Variants in LSAMP observed in about 807,000 individuals in gnomAD.
The protein encoded by LSAMP is limbic system associated membrane protein.
Under a neutral mutation model 38.6 loss-of-function variants are expected in LSAMP, and 7 were observed. The ratio of observed to expected loss-of-function variants is 0.18; its 90% CI spans 0.10 to 0.34. LSAMP has a LOEUF of 0.34. LSAMP is among the 10% of genes least tolerant of loss of function. The pLI, the probability that LSAMP is intolerant of heterozygous loss-of-function variation, is 1.00. For synonymous variants in LSAMP, 154 were observed against 166.8 expected (o/e 0.92, Z 0.59); for missense variants, 313 against 420.0 (o/e 0.75, Z 2.23).
intron 3 of LSAMP, among the ~76,000 whole-genome samples, chr3:115,856,117 C>T (rs996643124): frequency 4.6e-5 from 7 of 152,224 alleles, no homozygotes; most frequent in African/African-American, 1.7e-4. Flanking sequence ...ATAATATCCT[C>T]ATGAACTAGC....
chr3:116,387,387 T>C (rs1197831041), intron 1 of LSAMP, among the ~76,000 whole-genome samples: 1 of 151,960 alleles, frequency 6.6e-6, no homozygotes, highest in Non-Finnish European at 1.5e-5. Flanking sequence ...TACAGAAGAG[T>C]CAGAGAACAT....
chr3:116,297,666 G>T (rs982995231), intron 1 of LSAMP, among the ~76,000 whole-genome samples: 1 of 152,024 alleles, frequency 6.6e-6, no homozygotes. Context: ...TTTCTGGATA[G>T]ACTGAGAAAA....
At chr3:116,122,800 T>C (rs1021052086) in intron 1 of LSAMP, among the ~76,000 whole-genome samples, 1 of 152,220 alleles carries the variant, frequency 6.6e-6, no homozygotes, top group African/African-American at 2.4e-5. Context: ...TCTCCCTCTG[T>C]TCCATCTTCA....
intron 3 of LSAMP, among the ~76,000 whole-genome samples, chr3:115,939,030 A>G (rs1407402271): frequency 6.6e-6 from 1 of 152,186 alleles, no homozygotes; most frequent in Non-Finnish European, 1.5e-5. Flanking sequence ...TGGCTTTTGA[A>G]ACATGTAGGA....
At chr3:115,933,347 A>G (rs1038062335) in intron 3 of LSAMP, among the ~76,000 whole-genome samples, 1 of 152,202 alleles carries the variant, frequency 6.6e-6, no homozygotes. Flanking sequence ...TGGTAATAAT[A>G]GTGACAATGC....
rs940156499 is a variant in LSAMP at position 116,138,333 on chromosome 3, TTCTC to T, written c.156-51781_156-51778del. Among the ~76,000 whole-genome samples, 11 of 152,230 alleles carry T rather than the reference TTCTC, an allele frequency of 7.2e-5. No individual in the cohort carries two copies. In the South Asian group the frequency reaches 1.0e-3, roughly 14 times the overall value. ...AATTCATAATTCAATCCTCAACTGT[TTCTC>T]TCTCAGTCAATTGTGGATATTTTCT... On this transcript the variant is annotated intron_variant, in intron 1 of 6. Coordinates refer to ENST00000490035, the MANE Select transcript of LSAMP (RefSeq NM_002338.5).
intron 1 of LSAMP, among the ~76,000 whole-genome samples, chr3:116,160,230 T>C (rs1709851637): frequency 6.6e-6 from 1 of 152,086 alleles, no homozygotes; most frequent in African/African-American, 2.4e-5. Flanking sequence ...TGAAACCCTG[T>C]CTCTACCAAA....
At chr3:115,998,317 G>T (rs936485921) in intron 3 of LSAMP, among the ~76,000 whole-genome samples, 5 of 152,052 alleles carry the variant, frequency 3.3e-5, no homozygotes. Flanking sequence ...TTTTCAAAAA[G>T]GCTCTATCAT....
intron 3 of LSAMP, among the ~76,000 whole-genome samples, chr3:115,998,825 G>A (rs374425900): frequency 6.6e-6 from 1 of 152,144 alleles, no homozygotes; most frequent in Admixed American, 6.5e-5. Context: ...CCCGTGTTCC[G>A]ACAGCCTGCC....
chr3:115,997,632 T>A (rs1391745999), intron 3 of LSAMP, among the ~76,000 whole-genome samples: 1 of 148,370 alleles, frequency 6.7e-6, no homozygotes, highest in Non-Finnish European at 1.5e-5. Flanking sequence ...GTTGGAAGGA[T>A]CTTGGTAAGC....
At chr3:116,438,807 A>G (rs1160120694) in intron 1 of LSAMP, among the ~76,000 whole-genome samples, 1 of 152,232 alleles carries the variant, frequency 6.6e-6, no homozygotes, top group African/African-American at 2.4e-5. Flanking sequence ...AATCTGATCC[A>G]TATTAAATAA....
At chr3:116,233,225 AAC>A (rs1490927086) in intron 1 of LSAMP, among the ~76,000 whole-genome samples, 1 of 151,934 alleles carries the variant, frequency 6.6e-6, no homozygotes, top group Non-Finnish European at 1.5e-5. Context: ...CATCCTGGCT[AAC>A]ACAGTGCAAC....
At chr3:116,387,522 A>C (rs1039034028) in intron 1 of LSAMP, among the ~76,000 whole-genome samples, 1 of 152,152 alleles carries the variant, frequency 6.6e-6, no homozygotes, top group Non-Finnish European at 1.5e-5. Context: ...TCAATAAAAA[A>C]CTAACAAACA....
chr3:115,993,970 T>A (rs2107647126), intron 3 of LSAMP, among the ~76,000 whole-genome samples: 1 of 152,236 alleles, frequency 6.6e-6, no homozygotes, highest in East Asian at 1.9e-4. Flanking sequence ...TTTGGAAGAC[T>A]AAAAATTAGT....
At chr3:116,277,256 A>G (rs894508044) in intron 1 of LSAMP, among the ~76,000 whole-genome samples, 1 of 152,230 alleles carries the variant, frequency 6.6e-6, no homozygotes, top group African/African-American at 2.4e-5. Context: ...TGATTCAGAT[A>G]ATTAGCTGAA....
chr3:116,223,789 C>T (rs1478292999), intron 1 of LSAMP, among the ~76,000 whole-genome samples: 1 of 152,126 alleles, frequency 6.6e-6, no homozygotes, highest in Non-Finnish European at 1.5e-5. Flanking sequence ...TGAGAGTCTT[C>T]TTAAGGTTCA....
chr3:116,189,526 C>A (rs1710703071), intron 1 of LSAMP, among the ~76,000 whole-genome samples: 1 of 152,130 alleles, frequency 6.6e-6, no homozygotes, highest in African/African-American at 2.4e-5. Flanking sequence ...AAAACCACCT[C>A]AGTTCTAGGG....
chr3:116,049,307 C>G (rs530862994), intron 2 of LSAMP, among the ~76,000 whole-genome samples: 1 of 152,312 alleles, frequency 6.6e-6, no homozygotes, highest in South Asian at 2.1e-4. Context: ...CAGGGCCAGC[C>G]TGTAGCAAAA....
intron 3 of LSAMP, among the ~76,000 whole-genome samples, chr3:115,979,968 A>T (rs966329674): frequency 3.9e-5 from 6 of 152,122 alleles, no homozygotes; most frequent in Admixed American, 3.3e-4. Flanking sequence ...TTCTTTACAT[A>T]GTCTGTTAAG....
Sources: gnomAD v4.1 joint callset for allele counts (sites outside exome capture counted in the v4.1 genomes callset) on GRCh38, gnomAD v4.1.1 for gene constraint, MANE v1.5 for transcripts, NCBI Gene and HGNC (gene_info 2026-07-23, HGNC 2026-07-21) for gene names.